Variants in ABL2 observed in about 807,000 individuals in gnomAD.
ABL2 encodes the protein ABL proto-oncogene 2, non-receptor tyrosine kinase.
Under a neutral mutation model 107.7 loss-of-function variants are expected in ABL2, and 49 were observed. That is an observed-to-expected ratio of 0.45 (90% confidence interval 0.36 to 0.58). The LOEUF is 0.58. Among genes scored for constraint, ABL2 ranks in the 20% least tolerant of loss-of-function variants. ABL2 has a pLI of 0.00. For synonymous variants in ABL2, 549 were observed against 548.6 expected (o/e 1.00, Z -0.01); for missense variants, 1,245 against 1,457.0 (o/e 0.85, Z 2.37).
At chr1:179,141,354 C>G (rs1256456725) in intron 1 of ABL2, among the ~76,000 whole-genome samples, 1 of 151,852 alleles carries the variant, frequency 6.6e-6, no homozygotes, top group Non-Finnish European at 1.5e-5. Flanking sequence ...GACAGACTGT[C>G]AATACGCAAG....
rs1010978743 is a variant in ABL2 at position 179,113,888 on chromosome 1, C to T, written c.1561+990G>A. On this transcript the variant is annotated intron_variant, in intron 9 of 11. Coordinates refer to ENST00000502732, the MANE Select transcript of ABL2 (RefSeq NM_007314.4). ...GGTGGAGCTTGCAGTGAGCCGAGAT[C>T]GCGCCACTGCACTCCAGCCTGGGCG... Among the ~76,000 whole-genome samples, 19 of 151,502 alleles carry T rather than the reference C, an allele frequency of 1.3e-4. 1 individual carries two copies. The highest frequency in any genetic ancestry group is 2.6e-4 in the Non-Finnish European group (18 of 67,982).
intron 1 of ABL2, among the ~76,000 whole-genome samples, chr1:179,174,895 CAA>C (rs1161355678): frequency 0.03 from 1,014 of 33,664 alleles, 21 homozygotes; most frequent in African/African-American, 0.092. Flanking sequence ...GACTCTGTCT[CAA>C]AAAAAAAAAA....
intron 1 of ABL2, 65 bp downstream of exon 1, chr1:179,229,176 C>CA: frequency 3.0e-6 from 1 of 332,050 alleles, no homozygotes; most frequent in Non-Finnish European, 6.0e-6. Flanking sequence ...GTCCGCCACC[C>CA]ACCCCGCCCC....
intron 2 of ABL2, among the ~76,000 whole-genome samples, chr1:179,132,097 G>A (rs768724306): frequency 2.6e-5 from 4 of 151,444 alleles, no homozygotes; most frequent in African/African-American, 9.7e-5. Context: ...TCTTTTTTTC[G>A]TTTTAAAAAA....
chr1:179,108,343 G>GGTC lies in ABL2; in HGVS notation c.2921_2923dup (p.Arg974dup). On this transcript the variant is annotated inframe_insertion, in exon 12 of 12. Transcript: ENST00000502732. ...GGCACACTTTGGTTTTACCCGTCGG[G>GGTC]GTCGGTCCTTGTCTCCAGAGGATGT... 1 of 1,614,214 alleles carries GGTC rather than the reference G, an allele frequency of 6.2e-7. No homozygotes were observed. The highest frequency in any genetic ancestry group is 8.5e-7 in the Non-Finnish European group (1 of 1,180,032).
At position 179,147,255 on chromosome 1, in the gene ABL2, C is replaced by T. The variant is rs1409686508; in HGVS notation, c.158-13881G>A. ...GCAGAGAAAAGGGAACACTTATTCA[C>T]TGTTGGTGGAAATGTAAGTTAGCAC... On this transcript the variant is annotated intron_variant, in intron 1 of 11. Transcript: ENST00000502732. 2.1e-5 allele frequency among the ~76,000 whole-genome samples: 3 copies of T among 141,314 alleles called. No individual in the cohort carries two copies. In the East Asian group the frequency reaches 6.6e-4, roughly 31 times the overall value. The allele number at this position is 141,314 out of a possible 152,430, so 92.7% of individuals were successfully genotyped here. A position where few individuals can be genotyped will look rare whatever the true frequency, so the allele number is the denominator to read the frequency against.
rs1653926976 is a variant in ABL2, at chr1:179,110,333, T to C, written c.1774A>G (p.Ile592Val). The C allele has an allele frequency of 1.5e-5, 25 of 1,614,236 alleles. No homozygotes were observed. The highest frequency in any genetic ancestry group is 2.1e-5 in the Non-Finnish European group (25 of 1,180,052). ...LKKQVENKENIEGAQDATENS... is the reference protein window; with the variant it reads ...LKKQVENKENVEGAQDATENS... ...TCTGTGGCATCTTGTGCCCCTTCAATGTTCTCCTTGTTCTCCACCTGTTTC... is the reference window on the plus strand; with the variant it reads ...TCTGTGGCATCTTGTGCCCCTTCAACGTTCTCCTTGTTCTCCACCTGTTTC... The change falls in exon 11 of 12, where the codon ATT becomes GTT. Residue 592 changes from isoleucine (I) to valine (V), a missense_variant. Coordinates refer to ENST00000502732, the MANE Select transcript of ABL2 (RefSeq NM_007314.4).
chr1:179,208,300 C>A (rs1267254631), intron 1 of ABL2, among the ~76,000 whole-genome samples: 2 of 151,956 alleles, frequency 1.3e-5, no homozygotes, highest in East Asian at 1.9e-4. Context: ...CCTTGCCCCC[C>A]CCATTCCTTC....
intron 1 of ABL2, among the ~76,000 whole-genome samples, chr1:179,194,720 GTTGT>G (rs1379351788): frequency 6.6e-6 from 1 of 152,114 alleles, no homozygotes; most frequent in African/African-American, 2.4e-5. Flanking sequence ...CAGAATAAAT[GTTGT>G]TTGTTTTAAG....
intron 1 of ABL2, among the ~76,000 whole-genome samples, chr1:179,148,430 A>G (rs1005571679): frequency 7.2e-5 from 11 of 152,066 alleles, no homozygotes; most frequent in African/African-American, 2.4e-4. Flanking sequence ...AATTGTTATC[A>G]TATCTATTAT....
At chr1:179,141,755 C>T (rs1478180835) in intron 1 of ABL2, among the ~76,000 whole-genome samples, 2 of 152,190 alleles carry the variant, frequency 1.3e-5, no homozygotes, top group African/African-American at 2.4e-5. Flanking sequence ...ATTTCCTGCA[C>T]AATCTGTCTG....
chr1:179,226,043 C>CAAAAAA (rs1194438803), intron 1 of ABL2, among the ~76,000 whole-genome samples: 2 of 45,686 alleles, frequency 4.4e-5, no homozygotes, highest in African/African-American at 9.0e-5. Context: ...GACTCCGCCT[C>CAAAAAA]AAAAAAAAAA....
At chr1:179,174,291 TA>T (rs1356030133) in intron 1 of ABL2, among the ~76,000 whole-genome samples, 522 of 117,044 alleles carry the variant, frequency 4.5e-3, no homozygotes, top group Admixed American at 5.0e-3. Context: ...CTGTCTCCAA[TA>T]AAAAAAAAAA....
Position 179,110,279 on chromosome 1 carries a change from T to C in ABL2, c.1825+3A>G, listed in dbSNP as rs1409109319. On this transcript the variant is annotated splice_donor_region_variant and intron_variant, in intron 11 of 11. Coordinates refer to ENST00000502732, the MANE Select transcript of ABL2 (RefSeq NM_007314.4). ...TTGATTCTACCTGCTAAGGGACCCA[T>C]ACCTGGTGCTAAACTGGAAGCAGAA... is the stretch of plus-strand genomic sequence containing the variant. 1 of 1,614,202 alleles carries C rather than the reference T, an allele frequency of 6.2e-7. No homozygotes were observed. The highest frequency in any genetic ancestry group is 8.5e-7 in the Non-Finnish European group (1 of 1,180,016).
At chr1:179,191,413 C>CTTTTTTTTT (rs35362624) in intron 1 of ABL2, among the ~76,000 whole-genome samples, 19 of 77,188 alleles carry the variant, frequency 2.5e-4, no homozygotes, top group Admixed American at 3.9e-4. Context: ...TATGAAATCC[C>CTTTTTTTTT]TTTTTTTTTT....
intron 1 of ABL2, among the ~76,000 whole-genome samples, chr1:179,178,401 C>CAAAAAAA (rs572438530): frequency 2.2e-4 from 15 of 68,630 alleles, no homozygotes; most frequent in African/African-American, 4.2e-4. Context: ...GACTCTGCCT[C>CAAAAAAA]AAAAAAAAAA....
chr1:179,151,563 T>C (rs1004113106), intron 1 of ABL2, among the ~76,000 whole-genome samples: 3 of 152,076 alleles, frequency 2.0e-5, no homozygotes, highest in Non-Finnish European at 2.9e-5. Context: ...TTGCTAATAA[T>C]TGACAAAAAA....
At chr1:179,133,638 A>G (rs1656563314) in intron 1 of ABL2, among the ~76,000 whole-genome samples, 2 of 152,112 alleles carry the variant, frequency 1.3e-5, no homozygotes, top group African/African-American at 4.8e-5. Flanking sequence ...TGACTGGCTG[A>G]TTTCTACTTG....
At chr1:179,158,585 T>C (rs1309007076) in intron 1 of ABL2, among the ~76,000 whole-genome samples, 1 of 152,184 alleles carries the variant, frequency 6.6e-6, no homozygotes, top group East Asian at 1.9e-4. Context: ...GACCTAAGGC[T>C]AGAAACCAGT....
Sources: gnomAD v4.1 joint callset for allele counts (sites outside exome capture counted in the v4.1 genomes callset) on GRCh38, gnomAD v4.1.1 for gene constraint, MANE v1.5 for transcripts, NCBI Gene and HGNC (gene_info 2026-07-23, HGNC 2026-07-21) for gene names.